The following ACOT11 variants were observed in gnomAD, a reference collection of about 807,000 sequenced individuals.
ACOT11 encodes acyl-CoA thioesterase 11.
Under a neutral mutation model 77.5 loss-of-function variants are expected in ACOT11, and 69 were observed. The ratio of observed to expected loss-of-function variants is 0.89; its 90% CI spans 0.73 to 1.09. The LOEUF (loss-of-function observed/expected upper bound fraction) is 1.09. Among genes scored for constraint, ACOT11 ranks in the 50% least tolerant of loss-of-function variants. The pLI is 0.00. For missense variants in ACOT11, 766 were observed against 813.7 expected, an observed-to-expected ratio of 0.94 and a Z score of 0.71; for synonymous variants, 279 against 313.0, an observed-to-expected ratio of 0.89 and a Z score of 1.15.
chr1:54,607,281 C>T lies in ACOT11; in HGVS notation c.1502+16C>T. The T allele has an allele frequency of 6.2e-7, 1 of 1,613,834 alleles. No individual in the cohort carries two copies. The highest frequency in any genetic ancestry group is 1.3e-5 in the African/African-American group (1 of 75,056). ...GTGACAATGGGTGTGTGCCTATCTG[C>T]TGTGGGGTGGGGGACACAACTGGAC... On this transcript the variant is annotated intron_variant, in intron 14 of 15. Coordinates refer to ENST00000343744, the MANE Select transcript of ACOT11 (RefSeq NM_147161.4). This position sits in a 1 kb window ranked among gnomAD's most constrained non-coding sequence, Gnocchi z 4.5.
At chr1:54,592,702 T>C (rs1654753880) in intron 4 of ACOT11, 96 bp downstream of exon 4, 80 of 1,287,544 alleles carry the variant, frequency 6.2e-5, no homozygotes, top group Non-Finnish European at 8.7e-5. Flanking sequence ...CCACTCACAC[T>C]TGCAGGGCCC....
Position 54,584,818 on chromosome 1 carries a change from T to G in ACOT11, c.197T>G (p.Val66Gly), listed in dbSNP as rs376129395. The G allele has an allele frequency of 1.9e-6, 3 of 1,613,904 alleles. No individual in the cohort carries two copies. The highest frequency in any genetic ancestry group is 2.5e-6 in the Non-Finnish European group (3 of 1,180,034). Residue 66 changes from valine (V) to glycine (G), a missense_variant, in exon 2 of 16, where the codon GTC becomes GGC. Transcript: ENST00000343744. The surrounding 1 kb of genome is among the most constrained non-coding windows in gnomAD (Gnocchi z 6.3). ...CHTNQRGELS[V>G]GQLLKWIDTT... ...ACCAACCAACGTGGTGAGCTGAGCG[T>G]CGGGCAGCTGCTCAAGTGGATTGAC...
At chr1:54,612,475 G>T, downstream of ACOT11, 1 of 1,608,094 alleles carries the variant, frequency 6.2e-7, no homozygotes, top group Non-Finnish European at 8.5e-7. Context: ...GGTGGGTTTG[G>T]TGGTTTTCAC....
chr1:54,586,586 A>G (rs1654510361), intron 3 of ACOT11, among the ~76,000 whole-genome samples: 3 of 151,900 alleles, frequency 2.0e-5, no homozygotes, highest in African/African-American at 7.3e-5. Context: ...TGCCTGCTAC[A>G]AGGCCCGGCT....
chr1:54,583,226 C>T (rs1027813084), intron 1 of ACOT11, among the ~76,000 whole-genome samples: 2 of 152,158 alleles, frequency 1.3e-5, no homozygotes, highest in Admixed American at 6.5e-5. Context: ...CCTTGGTGCC[C>T]AGCCTCCTAC....
intron 15 of ACOT11, among the ~76,000 whole-genome samples, chr1:54,617,026 A>G (rs1429330547): frequency 4.6e-5 from 7 of 152,168 alleles, no homozygotes; most frequent in Admixed American, 4.6e-4. Context: ...TTTAAAGCCC[A>G]TGTTATCAAA....
intron 1 of ACOT11, among the ~76,000 whole-genome samples, chr1:54,575,371 G>T (rs1211343040): frequency 6.6e-6 from 1 of 152,180 alleles, no homozygotes; most frequent in Non-Finnish European, 1.5e-5. Flanking sequence ...ACCCACAGAG[G>T]GTAGGTGTCA....
At chr1:54,601,825 G>C (rs1452331615) in intron 9 of ACOT11, among the ~76,000 whole-genome samples, 1 of 152,256 alleles carries the variant, frequency 6.6e-6, no homozygotes, top group African/African-American at 2.4e-5. Context: ...TGGGGCGATA[G>C]ATGCAGTACT....
chr1:54,554,352 T>TATATATATATATATATA lies in ACOT11; in HGVS notation c.33+6010_33+6011insATATATATATATATATA, dbSNP rs536616509. Reference sequence around the variant, plus strand: ...GTGTGTGTATATATATATATATATATTTTTTTTTTTTTTTTTTGAGATGGA... The same window carrying TATATATATATATATATA: ...GTGTGTGTATATATATATATATATATATATATATATATATATATTTTTTTTTTTTTTTTTGAGATGGA... On this transcript the variant is annotated intron_variant, in intron 1 of 15. Coordinates refer to ENST00000343744, the MANE Select transcript of ACOT11 (RefSeq NM_147161.4). Among the ~76,000 whole-genome samples, 20 of 46,372 alleles carry TATATATATATATATATA rather than the reference T, an allele frequency of 4.3e-4. 1 individual carries two copies. Among genetic ancestry groups the TATATATATATATATATA allele is most frequent in the Non-Finnish European group, 9.2e-4 (19 of 20,758 alleles). 30.4% of individuals were successfully genotyped at this position (46,372 alleles called of 152,430 possible).
rs148282580 is a variant in ACOT11, at chr1:54,637,500, A to C, written c.*2771A>C. 5.8e-3 allele frequency: 885 copies of C among 152,456 alleles called. 3 individuals are homozygous for C. Among genetic ancestry groups the C allele is most frequent in the South Asian group, 0.015 (72 of 4,818 alleles). The allele number at this position is 152,456 out of a possible 1,614,324, so 9.4% of individuals were successfully genotyped here. A position where few individuals can be genotyped will look rare whatever the true frequency, so the allele number is the denominator to read the frequency against. On this transcript the variant is annotated 3_prime_UTR_variant, in exon 17 of 17. Coordinates refer to the ACOT11 transcript ENST00000371316. ...TCTGTCTCAAAACAAAAAGAGTTTT[A>C]GGCCAGGTGTGGTGGCTCACGCCTG...
At chr1:54,593,830 CT>C in intron 4 of ACOT11, 110 bp from the exon 5 acceptor site, 1 of 886,090 alleles carries the variant, frequency 1.1e-6, no homozygotes, top group South Asian at 1.6e-5. Context: ...GGTGCAGAAA[CT>C]CTGGAGGCCT....
intron 1 of ACOT11, among the ~76,000 whole-genome samples, chr1:54,577,274 A>T (rs77138844): frequency 0.023 from 3,558 of 152,274 alleles, 133 homozygotes; most frequent in African/African-American, 0.081. Flanking sequence ...AAGTACTACA[A>T]TCCCTTACTC....
intron 15 of ACOT11, among the ~76,000 whole-genome samples, chr1:54,629,046 A>G (rs1199362065): frequency 1.8e-5 from 2 of 114,272 alleles, no homozygotes; most frequent in African/African-American, 5.8e-5. Context: ...GCGACAGAGC[A>G]AGACTCCGTC....
intron 3 of ACOT11, among the ~76,000 whole-genome samples, chr1:54,589,463 T>C (rs1189135634): frequency 6.6e-6 from 1 of 152,148 alleles, no homozygotes; most frequent in Non-Finnish European, 1.5e-5. Context: ...TTTTATTTTG[T>C]TTGCTTTGCA....
rs751838721 is a variant in ACOT11, at chr1:54,609,906, C to G, written c.*794C>G. 7 of 1,610,018 alleles carry G rather than the reference C, an allele frequency of 4.3e-6. No individual in the cohort carries two copies. The highest frequency in any genetic ancestry group is 5.9e-6 in the Non-Finnish European group (7 of 1,179,840). ...ACGGGGTTTTCAGCCACAGTTCCCT[C>G]GAGGCCAGTGTTCAGCAGGATCATG... On this transcript the variant is annotated 3_prime_UTR_variant, in exon 16 of 16. Coordinates refer to ENST00000343744, the MANE Select transcript of ACOT11 (RefSeq NM_147161.4).
chr1:54,565,444 C>T lies in ACOT11; in HGVS notation c.33+17102C>T, dbSNP rs144926445. On this transcript the variant is annotated intron_variant, in intron 1 of 15. Transcript: ENST00000343744. ...GACCTGATCGCCCTCCAGCTGATGT[C>T]CCCTCTGCTGCACTCCTGCCAGGCT... 2.6e-5 allele frequency among the ~76,000 whole-genome samples: 4 copies of T among 152,264 alleles called. No homozygotes were observed. The East Asian group carries it at 7.7e-4, about 29-fold the overall frequency.
chr1:54,605,904 G>A (rs919694807), intron 13 of ACOT11, among the ~76,000 whole-genome samples: 3 of 152,080 alleles, frequency 2.0e-5, no homozygotes, highest in Non-Finnish European at 4.4e-5. Flanking sequence ...GCCATCACCG[G>A]GGCTCGAGGG....
chr1:54,607,272 G>A lies in ACOT11; in HGVS notation c.1502+7G>A. On this transcript the variant is annotated splice_region_variant and intron_variant, in intron 14 of 15. Coordinates refer to ENST00000343744, the MANE Select transcript of ACOT11 (RefSeq NM_147161.4). This position sits in a 1 kb window ranked among gnomAD's most constrained non-coding sequence, Gnocchi z 4.5. ...GGAAGCCTTGTGACAATGGGTGTGT[G>A]CCTATCTGCTGTGGGGTGGGGGACA... 1 of 1,614,048 alleles carries A rather than the reference G, an allele frequency of 6.2e-7. No homozygotes were observed. Among genetic ancestry groups the A allele is most frequent in the Non-Finnish European group, 8.5e-7 (1 of 1,179,988 alleles).
At chr1:54,593,440 A>G (rs1430873239) in intron 4 of ACOT11, among the ~76,000 whole-genome samples, 1 of 147,356 alleles carries the variant, frequency 6.8e-6, no homozygotes, top group East Asian at 2.0e-4. Flanking sequence ...CCACACAGCT[A>G]ATTTTTGTGT....
Sources: allele counts gnomAD v4.1 joint callset (sites outside exome capture counted in the v4.1 genomes callset), GRCh38; gene constraint gnomAD v4.1.1; non-coding constraint Gnocchi (gnomAD v3.1); transcripts MANE v1.5; gene names NCBI Gene and HGNC (gene_info 2026-07-23, HGNC 2026-07-21).